Variants in STX8 observed in about 807,000 individuals in gnomAD.
The protein encoded by STX8 is syntaxin 8.
A neutral mutation model predicts 37.5 loss-of-function variants in STX8; 23 were observed. The ratio of observed to expected loss-of-function variants is 0.61; its 90% CI spans 0.44 to 0.87. The LOEUF is 0.87. Among genes scored for constraint, STX8 ranks in the 40% least tolerant of loss-of-function variants. STX8 has a pLI of 0.00. For synonymous variants in STX8, 115 were observed against 99.1 expected (o/e 1.16, Z -0.95); for missense variants, 313 against 284.7 (o/e 1.10, Z -0.71).
intron 7 of STX8, among the ~76,000 whole-genome samples, chr17:9,261,451 G>A (rs551168651): frequency 3.3e-5 from 5 of 152,226 alleles, no homozygotes; most frequent in South Asian, 2.1e-4. Flanking sequence ...CTGGGTCTGC[G>A]GGTCTCATGA....
chr17:9,407,657 G>C (rs1275478047), intron 6 of STX8, among the ~76,000 whole-genome samples: 1 of 151,066 alleles, frequency 6.6e-6, no homozygotes, highest in Non-Finnish European at 1.5e-5. Flanking sequence ...CAGAAAGGCG[G>C]GACAACTCAA....
chr17:9,322,814 TA>T (rs59941529), intron 7 of STX8, among the ~76,000 whole-genome samples: 33,851 of 64,214 alleles, frequency 0.53, 6,499 homozygotes, highest in Middle Eastern at 0.6. Flanking sequence ...GTGCATTTGC[TA>T]AAAAAAAAAA....
intron 7 of STX8, among the ~76,000 whole-genome samples, chr17:9,363,194 C>A (rs1031659514): frequency 1.3e-5 from 2 of 152,136 alleles, no homozygotes; most frequent in African/African-American, 4.8e-5. Context: ...TAAAATTAAC[C>A]ATCTGAGGCC....
At chr17:9,268,358 C>T (rs563839221) in intron 7 of STX8, among the ~76,000 whole-genome samples, 17 of 151,902 alleles carry the variant, frequency 1.1e-4, no homozygotes, top group Non-Finnish European at 2.5e-4. Flanking sequence ...GAGCCTCTTA[C>T]CAAAAGTGGC....
At chr17:9,343,817 C>A (rs994854686) in intron 7 of STX8, among the ~76,000 whole-genome samples, 2 of 152,144 alleles carry the variant, frequency 1.3e-5, no homozygotes, top group African/African-American at 2.4e-5. Flanking sequence ...AGCTTCCACT[C>A]CTGTAGTGTT....
intron 3 of STX8, among the ~76,000 whole-genome samples, chr17:9,556,586 C>A (rs113195432): frequency 6.6e-6 from 1 of 151,456 alleles, no homozygotes; most frequent in Non-Finnish European, 1.5e-5. Context: ...GGAGTACAGG[C>A]GTGCACCACC....
chr17:9,480,039 A>G (rs180918072), intron 6 of STX8, among the ~76,000 whole-genome samples: 1 of 152,010 alleles, frequency 6.6e-6, no homozygotes, highest in African/African-American at 2.4e-5. Context: ...TTCAAATATC[A>G]TTTTCCCAGG....
chr17:9,379,967 CA>C (rs55853892), intron 6 of STX8, among the ~76,000 whole-genome samples: 45,282 of 139,238 alleles, frequency 0.33, 7,964 homozygotes, highest in African/African-American at 0.52. Context: ...GACTCTGTCT[CA>C]AAAAAAAAAA....
intron 7 of STX8, among the ~76,000 whole-genome samples, chr17:9,336,323 C>T (rs945780409): frequency 6.6e-6 from 1 of 152,132 alleles, no homozygotes; most frequent in Non-Finnish European, 1.5e-5. Flanking sequence ...AACGACCATG[C>T]CAGGAATGAG....
At chr17:9,530,323 A>C (rs1397186770) in intron 4 of STX8, among the ~76,000 whole-genome samples, 2 of 152,138 alleles carry the variant, frequency 1.3e-5, no homozygotes, top group African/African-American at 4.8e-5. Flanking sequence ...AAAAAAAAAA[A>C]AAAAACAGCA....
At chr17:9,364,469 T>C (rs756520221) in intron 7 of STX8, among the ~76,000 whole-genome samples, 2 of 152,152 alleles carry the variant, frequency 1.3e-5, no homozygotes, top group South Asian at 4.1e-4. Context: ...AAGAGGGACC[T>C]GCCTTATTTA....
chr17:9,362,883 T>C (rs888059118), intron 7 of STX8, among the ~76,000 whole-genome samples: 54 of 151,712 alleles, frequency 3.6e-4, no homozygotes, highest in Non-Finnish European at 6.6e-4. Flanking sequence ...TCTTGTTTTG[T>C]TCCAATGAGA....
chr17:9,523,002 A>G (rs1567596421), intron 4 of STX8, among the ~76,000 whole-genome samples: 2 of 152,102 alleles, frequency 1.3e-5, no homozygotes, highest in Admixed American at 1.3e-4. Context: ...ATTACACATT[A>G]TATACATGTA....
At chr17:9,494,473 A>G (rs1907008815) in intron 5 of STX8, among the ~76,000 whole-genome samples, 1 of 151,390 alleles carries the variant, frequency 6.6e-6, no homozygotes, top group Non-Finnish European at 1.5e-5. Flanking sequence ...AAATACAAAC[A>G]TTATCTGGGT....
intron 4 of STX8, among the ~76,000 whole-genome samples, chr17:9,532,573 T>G (rs2142544471): frequency 1.3e-5 from 2 of 152,320 alleles, no homozygotes; most frequent in East Asian, 3.9e-4. Context: ...AGAGCCTGAA[T>G]TTTCATTGAT....
intron 6 of STX8, among the ~76,000 whole-genome samples, chr17:9,408,867 G>C (rs75681799): frequency 0.054 from 8,256 of 152,198 alleles, 298 homozygotes; most frequent in Non-Finnish European, 0.077. Flanking sequence ...CTACGTGAGG[G>C]TCCTATGCAG....
At chr17:9,272,502 C>T (rs952273776) in intron 7 of STX8, among the ~76,000 whole-genome samples, 6 of 152,168 alleles carry the variant, frequency 3.9e-5, no homozygotes, top group African/African-American at 1.4e-4. Context: ...ACAAAGATTC[C>T]AGATTGTAAG....
At chr17:9,515,532 CATTT>C (rs1392712911) in intron 4 of STX8, among the ~76,000 whole-genome samples, 1 of 151,742 alleles carries the variant, frequency 6.6e-6, no homozygotes, top group Non-Finnish European at 1.5e-5. Flanking sequence ...TTCATCCATT[CATTT>C]ATTTGAAACA....
At chr17:9,284,845 C>G (rs1423421547) in intron 7 of STX8, among the ~76,000 whole-genome samples, 1 of 152,134 alleles carries the variant, frequency 6.6e-6, no homozygotes, top group Non-Finnish European at 1.5e-5. Flanking sequence ...ACTTGACTTT[C>G]TAGGGGCCGA....
Sources: gnomAD v4.1 joint callset for allele counts (sites outside exome capture counted in the v4.1 genomes callset) on GRCh38, gnomAD v4.1.1 for gene constraint, MANE v1.5 for transcripts, NCBI Gene and HGNC (gene_info 2026-07-23, HGNC 2026-07-21) for gene names.